Variants in STARD8 observed in about 807,000 individuals in gnomAD.
STARD8 encodes stAR-related lipid transfer protein 8.
Under a neutral mutation model 69.4 loss-of-function variants are expected in STARD8, and 25 were observed. The observed-to-expected ratio is 0.36, with a 90% CI of 0.26 to 0.50. The LOEUF is 0.50. Ranked by LOEUF, STARD8 falls within the 20% of genes least tolerant of loss-of-function variation. The pLI, the probability that STARD8 is intolerant of heterozygous loss-of-function variation, is 0.96. For missense variants in STARD8, 921 were observed against 932.5 expected, an observed-to-expected ratio of 0.99 and a Z score of 0.16; for synonymous variants, 389 against 374.6, an observed-to-expected ratio of 1.04 and a Z score of -0.45.
chrX:68,722,684 G>A lies in STARD8; in HGVS notation c.2799+38G>A, dbSNP rs777620122. The A allele has an allele frequency of 5.9e-6, 7 of 1,182,305 alleles. No homozygotes were observed. In the South Asian group the frequency reaches 1.3e-4, roughly 22 times the overall value. The stretch of plus-strand genomic sequence containing the variant: ...CCACGGGTGGCTGCTATGGGGCTGG[G>A]AGAGCATGGTGCAGGCAAGGGTAGT... On this transcript the variant is annotated intron_variant, in intron 12 of 14. Coordinates refer to ENST00000374599, the MANE Select transcript of STARD8 (RefSeq NM_001142503.3).
intron 1 of STARD8, among the ~76,000 whole-genome samples, chrX:68,653,244 A>C (rs1602535769): frequency 7.6e-5 from 2 of 26,219 alleles, no homozygotes; most frequent in Non-Finnish European, 1.4e-4. Context: ...ACACACACAC[A>C]CCACACATAC....
At chrX:68,660,161 G>A (rs1034348892) in intron 1 of STARD8, among the ~76,000 whole-genome samples, 1 of 111,216 alleles carries the variant, frequency 9.0e-6, no homozygotes, top group South Asian at 3.9e-4. Flanking sequence ...GGTTCCTCAG[G>A]AGGCTGTCCC....
intron 1 of STARD8, among the ~76,000 whole-genome samples, chrX:68,662,016 C>A (rs1482768188): frequency 2.9e-5 from 2 of 69,899 alleles, no homozygotes; most frequent in Non-Finnish European, 5.0e-5. Flanking sequence ...TTCTTTCTTT[C>A]TTTCTTTCTT....
rs1193221791 is a variant in STARD8, at chrX:68,673,757, T to C, written c.79+8225T>C. Among the ~76,000 whole-genome samples, 3 of 111,943 alleles carry C rather than the reference T, an allele frequency of 2.7e-5. No homozygotes were observed. The East Asian group carries it at 8.5e-4, about 32-fold the overall frequency. ...CAGGTACACATGTACATGTGTCACATGTGTAGTGTGCAAACACACACATAG... is the reference window on the plus strand; with the variant it reads ...CAGGTACACATGTACATGTGTCACACGTGTAGTGTGCAAACACACACATAG... On this transcript the variant is annotated intron_variant, in intron 2 of 14. Coordinates refer to ENST00000374599, the MANE Select transcript of STARD8 (RefSeq NM_001142503.3).
At chrX:68,653,317 A>C (rs1602536193) in intron 1 of STARD8, among the ~76,000 whole-genome samples, 3 of 44,300 alleles carry the variant, frequency 6.8e-5, no homozygotes, top group African/African-American at 8.8e-5. Flanking sequence ...CACACCACAC[A>C]CCACACACAC....
chrX:68,717,427 C>T lies in STARD8; in HGVS notation c.513C>T (p.Asp171=). Residue 171 remains aspartate, a synonymous_variant, in exon 6 of 15, where the codon GAC becomes GAT. Coordinates refer to ENST00000374599, the MANE Select transcript of STARD8 (RefSeq NM_001142503.3). Reference sequence around the variant, plus strand: ...TGAGCCTACCACCCGAGCCAGCAGACTTGCCCTTGCCAGGCCGTGCCCCCA... The same window carrying T: ...TGAGCCTACCACCCGAGCCAGCAGATTTGCCCTTGCCAGGCCGTGCCCCCA... ...ITVSLPPEPA[D]LPLPGRAPSS... The T allele has an allele frequency of 8.3e-7, 1 of 1,210,289 alleles. No homozygotes were observed. The highest frequency in any genetic ancestry group is 1.1e-6 in the Non-Finnish European group (1 of 894,970).
chrX:68,678,210 A>C (rs916069265), intron 2 of STARD8, among the ~76,000 whole-genome samples: 1 of 111,603 alleles, frequency 9.0e-6, no homozygotes, highest in Non-Finnish European at 1.9e-5. Flanking sequence ...GGGAGGATCA[A>C]TCAGGAGAAA....
chrX:68,693,617 C>A, intron 2 of STARD8: 2 of 753,942 alleles, frequency 2.7e-6, no homozygotes, highest in South Asian at 6.7e-5. Context: ...CAGCCCTACT[C>A]GCCGACGCTC....
At chrX:68,689,410 C>A (rs2079859148) in intron 2 of STARD8, among the ~76,000 whole-genome samples, 1 of 112,080 alleles carries the variant, frequency 8.9e-6, no homozygotes, top group Non-Finnish European at 1.9e-5. Context: ...GTGGCACTGT[C>A]ATGGCCCGGG....
intron 1 of STARD8, among the ~76,000 whole-genome samples, chrX:68,653,277 C>CAAG (rs2079579860): frequency 1.9e-5 from 1 of 51,684 alleles, no homozygotes; most frequent in Non-Finnish European, 3.5e-5. Context: ...ACACACCACA[C>CAAG]CACACACACA....
chrX:68,717,308 C>T lies in STARD8; in HGVS notation c.394C>T (p.Leu132=). ...KCWSPMGSSD[L]LAPPSPGLPA... The stretch of plus-strand genomic sequence containing the variant: ...CTGGTCTCCTATGGGGTCCTCTGAT[C>T]TGTTGGCCCCACCGAGCCCTGGCCT... The change falls in exon 6 of 15, where the codon CTG becomes TTG. Residue 132 remains leucine, a synonymous_variant. Coordinates refer to ENST00000374599, the MANE Select transcript of STARD8 (RefSeq NM_001142503.3). 8.3e-7 allele frequency: 1 copy of T among 1,206,499 alleles called. No individual in the cohort carries two copies. The highest frequency in any genetic ancestry group is 1.8e-5 in the South Asian group (1 of 55,941).
chrX:68,696,673 T>C lies in STARD8; in HGVS notation c.80-16241T>C, dbSNP rs975985962. Among the ~76,000 whole-genome samples the C allele has an allele frequency of 9.0e-5, 10 of 111,564 alleles. No individual in the cohort carries two copies. In the Admixed American group the frequency reaches 9.6e-4, roughly 11 times the overall value. ...CTCAAATTCTCCGACTCTGGGTTTC[T>C]CCTCATTTTTTCCACTTCACTGGAT... On this transcript the variant is annotated intron_variant, in intron 2 of 14. Coordinates refer to ENST00000374599, the MANE Select transcript of STARD8 (RefSeq NM_001142503.3).
rs965910723 is a variant in STARD8, at chrX:68,718,058, G to A, written c.1144G>A (p.Gly382Arg). ...TGAAGATGAAGATGATGAGGAGAGT[G>A]GGGGCAGCTATGCTCACCTAGACGA... ...EAEDEDDEES[G>R]GSYAHLDDIL... Residue 382 changes from glycine (G) to arginine (R), a missense_variant, in exon 6 of 15, where the codon GGG (glycine) becomes AGG (arginine). Gly to Arg is a moderately radical substitution (Grantham distance 125). Transcript: ENST00000374599. 8.3e-7 allele frequency: 1 copy of A among 1,211,265 alleles called. No homozygotes were observed. The highest frequency in any genetic ancestry group is 3.0e-5 in the East Asian group (1 of 33,805).
intron 2 of STARD8, among the ~76,000 whole-genome samples, chrX:68,711,909 C>T (rs1231299310): frequency 8.9e-6 from 1 of 112,883 alleles, no homozygotes; most frequent in Non-Finnish European, 1.9e-5. Context: ...CCAACCAACC[C>T]GGTGATGCCA....
At position 68,720,883 on chromosome X, in the gene STARD8, T is replaced by C. The variant is rs773804699; in HGVS notation, c.2050-41T>C. On this transcript the variant is annotated intron_variant, in intron 8 of 14. Coordinates refer to ENST00000374599, the MANE Select transcript of STARD8 (RefSeq NM_001142503.3). ...GGCCTCACAGTCTGCCTCCTACTCA[T>C]GCATGTTTTCCTCACTCCCTCCCTC... 4.3e-6 allele frequency: 5 copies of C among 1,163,343 alleles called. No individual in the cohort carries two copies. In the African/African-American group the frequency reaches 8.9e-5, roughly 21 times the overall value.
chrX:68,695,699 A>C (rs1305495650), intron 2 of STARD8, among the ~76,000 whole-genome samples: 2 of 111,757 alleles, frequency 1.8e-5, no homozygotes, highest in East Asian at 5.6e-4. Flanking sequence ...TTATTCAAAC[A>C]CAATACCTCC....
intron 2 of STARD8, among the ~76,000 whole-genome samples, chrX:68,692,440 TG>T (rs2079883532): frequency 8.9e-6 from 1 of 111,962 alleles, no homozygotes; most frequent in African/African-American, 3.3e-5. Flanking sequence ...CACTTGGGGC[TG>T]GGTTAGGTCT....
At position 68,723,884 on chromosome X, in the gene STARD8, C is replaced by T. The variant is rs778376112; in HGVS notation, c.3017+41C>T. 8.3e-6 allele frequency: 10 copies of T among 1,205,621 alleles called. No homozygotes were observed. In the South Asian group the frequency reaches 1.1e-4, roughly 13 times the overall value. ...TGCTACCCTTCTGTGCTTGGGGGGC[C>T]GGAGAAGTGGGGTGGAAACCAGCAC... On this transcript the variant is annotated intron_variant, in intron 13 of 14. Transcript: ENST00000374599.
chrX:68,669,400 T>C, intron 2 of STARD8, among the ~76,000 whole-genome samples: 1 of 111,851 alleles, frequency 8.9e-6, no homozygotes. Context: ...CTAAGGTATC[T>C]TGCTGTTCTG....
Sources: gnomAD v4.1 joint callset for allele counts (sites outside exome capture counted in the v4.1 genomes callset) on GRCh38, gnomAD v4.1.1 for gene constraint, MANE v1.5 for transcripts, NCBI Gene and HGNC (gene_info 2026-07-23, HGNC 2026-07-21) for gene names.